NXN: variants seen among roughly 807,000 people sequenced by gnomAD.
NXN encodes nucleoredoxin 1.
A neutral mutation model predicts 48.6 loss-of-function variants in NXN; 16 were observed. The ratio of observed to expected loss-of-function variants is 0.33; its 90% CI spans 0.22 to 0.50. The LOEUF (loss-of-function observed/expected upper bound fraction) is 0.50, where lower values mean the gene tolerates loss of function less well. NXN is among the 20% of genes least tolerant of loss of function. The probability of loss-of-function intolerance (pLI) is 0.98; values close to 1 mark genes in which losing one functional copy is unlikely to be tolerated. For synonymous variants in NXN, 281 were observed against 269.6 expected, an observed-to-expected ratio of 1.04 and a Z score of -0.41; for missense variants, 492 against 605.5, an observed-to-expected ratio of 0.81 and a Z score of 1.97.
intron 1 of NXN, among the ~76,000 whole-genome samples, chr17:903,141 CAAT>C (rs895797334): frequency 6.6e-6 from 1 of 152,096 alleles, no homozygotes; most frequent in African/African-American, 2.4e-5. Flanking sequence ...ATAATAACAA[CAAT>C]AATAAAAGCA....
chr17:940,441 A>T (rs2068958547), intron 1 of NXN, among the ~76,000 whole-genome samples: 1 of 152,216 alleles, frequency 6.6e-6, no homozygotes, highest in Non-Finnish European at 1.5e-5. Context: ...ATGTTTTGGT[A>T]AAAAGAAGGA....
intron 5 of NXN, among the ~76,000 whole-genome samples, chr17:814,955 G>A (rs548275071): frequency 7.9e-5 from 12 of 152,110 alleles, no homozygotes; most frequent in Admixed American, 1.3e-4. Flanking sequence ...TAGTAGAGAT[G>A]GGGTTTCGCC....
intron 1 of NXN, among the ~76,000 whole-genome samples, chr17:948,030 G>A (rs1480012112): frequency 2.0e-5 from 3 of 151,938 alleles, no homozygotes; most frequent in Non-Finnish European, 4.4e-5. Context: ...CAGCCTGGGT[G>A]ACAGAGACTC....
intron 1 of NXN, among the ~76,000 whole-genome samples, chr17:966,548 T>C (rs1170797442): frequency 1.3e-5 from 2 of 152,032 alleles, no homozygotes; most frequent in Non-Finnish European, 2.9e-5. Context: ...GGTTTCTCCA[T>C]GTTGGTCAGG....
At chr17:953,450 A>T (rs576414739) in intron 1 of NXN, among the ~76,000 whole-genome samples, 1 of 152,020 alleles carries the variant, frequency 6.6e-6, no homozygotes, top group East Asian at 1.9e-4. Context: ...CTCCCACCAC[A>T]AGCAGGACGA....
At position 800,898 on chromosome 17, in the gene NXN, G is replaced by C. The variant is rs762302415; in HGVS notation, c.*51C>G. The C allele has an allele frequency of 1.6e-6, 2 of 1,278,372 alleles. No homozygotes were observed. Among genetic ancestry groups the C allele is most frequent in the Non-Finnish European group, 2.1e-6 (2 of 969,622 alleles). 79.2% of individuals were successfully genotyped at this position (1,278,372 alleles called of 1,614,324 possible). On this transcript the variant is annotated 3_prime_UTR_variant, in exon 8 of 8. Coordinates refer to ENST00000336868, the MANE Select transcript of NXN (RefSeq NM_022463.5). Reference sequence around the variant, plus strand: ...GTCCAAGGGCGGAAGGAAGGAGGGGGAGGAGGAGAAGGCTGAGTTTTAAAT... The same window carrying C: ...GTCCAAGGGCGGAAGGAAGGAGGGGCAGGAGGAGAAGGCTGAGTTTTAAAT...
chr17:810,061 C>G (rs1258810999), intron 5 of NXN, among the ~76,000 whole-genome samples: 3 of 82,664 alleles, frequency 3.6e-5, no homozygotes, highest in Admixed American at 1.4e-4. Flanking sequence ...CGTTACGAGT[C>G]CCTGTGAGTG....
In NXN at chr17:823,524, G is replaced by C. The variant is rs538759868; in HGVS notation, c.612+108C>G. On this transcript the variant is annotated intron_variant, in intron 3 of 7. Coordinates refer to ENST00000336868, the MANE Select transcript of NXN (RefSeq NM_022463.5). ...GGGCACAGGAGAAGGCCAGAAGGCC[G>C]GGAAATTCCTGCCTGGGTGTCTCAC... 3.0e-6 allele frequency: 4 copies of C among 1,311,710 alleles called. No homozygotes were observed. In the African/African-American group the frequency reaches 5.9e-5, roughly 19 times the overall value. 81.3% of individuals were successfully genotyped at this position (1,311,710 alleles called of 1,614,324 possible).
rs2068723447 is a variant in NXN at position 919,475 on chromosome 17, G to GT, written c.360+59843dup. On this transcript the variant is annotated intron_variant, in intron 1 of 7. Coordinates refer to ENST00000336868, the MANE Select transcript of NXN (RefSeq NM_022463.5). The surrounding 1 kb of genome is among the most constrained non-coding windows in gnomAD (Gnocchi z 5.1). ...TTAAGATGCTAGAAAACGTGTTATTGTAACACGAGGAAAAAGCCCTGTAAT... is the reference window on the plus strand; with the variant it reads ...TTAAGATGCTAGAAAACGTGTTATTGTTAACACGAGGAAAAAGCCCTGTAAT... 6.6e-6 allele frequency among the ~76,000 whole-genome samples: 1 copy of GT among 152,166 alleles called. No individual in the cohort carries two copies. The highest frequency in any genetic ancestry group is 2.4e-5 in the African/African-American group (1 of 41,418).
At chr17:891,984 T>G (rs2068425675) in intron 1 of NXN, among the ~76,000 whole-genome samples, 1 of 131,736 alleles carries the variant, frequency 7.6e-6, no homozygotes, top group Admixed American at 8.0e-5. Context: ...GGAACTAAGC[T>G]AACCCCACCA....
chr17:956,073 G>A lies in NXN; in HGVS notation c.360+23246C>T, dbSNP rs2069166043. Among the ~76,000 whole-genome samples the A allele has an allele frequency of 6.6e-6, 1 of 152,108 alleles. No individual in the cohort carries two copies. The highest frequency in any genetic ancestry group is 6.5e-5 in the Admixed American group (1 of 15,274). On this transcript the variant is annotated intron_variant, in intron 1 of 7. Transcript: ENST00000336868. The surrounding 1 kb of genome is among the most constrained non-coding windows in gnomAD (Gnocchi z 4.1). ...CCTGTCCTTTCCAGGGTATCATTCAGTGACTGCATTGTTCAATATTTTGAA... is the reference window on the plus strand; with the variant it reads ...CCTGTCCTTTCCAGGGTATCATTCAATGACTGCATTGTTCAATATTTTGAA...
chr17:978,720 A>C lies in NXN; in HGVS notation c.360+599T>G, dbSNP rs1308197203. 6.6e-6 allele frequency: 1 copy of C among 151,998 alleles called. No homozygotes were observed. Among genetic ancestry groups the C allele is most frequent in the Non-Finnish European group, 1.5e-5 (1 of 68,012 alleles). 9.4% of individuals were successfully genotyped at this position (151,998 alleles called of 1,614,324 possible). ...CCACGGTCACCGGCCGCCTCTCCTG[A>C]CCTCGGCCTCGGCCCCCAGGTCCCC... On this transcript the variant is annotated intron_variant, in intron 1 of 7. Coordinates refer to ENST00000336868, the MANE Select transcript of NXN (RefSeq NM_022463.5). This position sits in a 1 kb window ranked among gnomAD's most constrained non-coding sequence, Gnocchi z 4.1.
intron 5 of NXN, among the ~76,000 whole-genome samples, chr17:817,848 C>T (rs1912568783): frequency 1.3e-5 from 2 of 152,072 alleles, no homozygotes; most frequent in Non-Finnish European, 2.9e-5. Context: ...AAAGAGAACG[C>T]GTTTAACTCA....
intron 1 of NXN, chr17:911,234 T>A (rs534272920): frequency 6.6e-6 from 1 of 152,188 alleles, no homozygotes; most frequent in Non-Finnish European, 1.5e-5. Context: ...TTTTTAACTA[T>A]GACTGCATTA....
At chr17:921,027 G>T (rs1202810382) in intron 1 of NXN, among the ~76,000 whole-genome samples, 3 of 152,040 alleles carry the variant, frequency 2.0e-5, no homozygotes, top group Non-Finnish European at 4.4e-5. Context: ...CAGCCTCTAT[G>T]TGACCTTTAT....
chr17:893,093 T>TC (rs1173218126), intron 1 of NXN, among the ~76,000 whole-genome samples: 1 of 152,256 alleles, frequency 6.6e-6, no homozygotes, highest in Non-Finnish European at 1.5e-5. Context: ...TTTGCCTATG[T>TC]CCCTAAAGGG....
chr17:890,204 A>G (rs938999728), intron 1 of NXN, among the ~76,000 whole-genome samples: 1 of 151,904 alleles, frequency 6.6e-6, no homozygotes, highest in Non-Finnish European at 1.5e-5. Context: ...TCTCATGCAC[A>G]TCAAATGCTG....
chr17:898,152 C>A (rs2068507261), intron 1 of NXN, among the ~76,000 whole-genome samples: 1 of 152,158 alleles, frequency 6.6e-6, no homozygotes, highest in Non-Finnish European at 1.5e-5. Context: ...GGTTTCTCAA[C>A]CTCAGCACTT....
intron 5 of NXN, among the ~76,000 whole-genome samples, chr17:810,152 T>C (rs1428083317): frequency 8.7e-4 from 68 of 78,374 alleles, no homozygotes; most frequent in East Asian, 1.4e-3. Flanking sequence ...AGTCTGTGAC[T>C]GGCGTGCACG....
Sources: allele counts gnomAD v4.1 joint callset (sites outside exome capture counted in the v4.1 genomes callset), GRCh38; gene constraint gnomAD v4.1.1; non-coding constraint Gnocchi (gnomAD v3.1); transcripts MANE v1.5; gene names NCBI Gene and HGNC (gene_info 2026-07-23, HGNC 2026-07-21).